Variants in CCSER1 observed in about 807,000 individuals in gnomAD.
The protein encoded by CCSER1 is coiled-coil serine rich protein 1.
Under a neutral mutation model 82.0 loss-of-function variants are expected in CCSER1, and 41 were observed. That is an observed-to-expected ratio of 0.50 (90% CI 0.39 to 0.65). CCSER1 has a LOEUF of 0.65. Ranked by LOEUF, CCSER1 falls within the 30% of genes least tolerant of loss-of-function variation. CCSER1 has a pLI of 0.00. For missense variants in CCSER1, 1,119 were observed against 1,064.2 expected (o/e 1.05, Z -0.72); for synonymous variants, 414 against 383.9 (o/e 1.08, Z -0.92).
At chr4:90,528,915 C>A (rs1497369) in intron 5 of CCSER1, among the ~76,000 whole-genome samples, 6,441 of 152,104 alleles carry the variant, frequency 0.042, 415 homozygotes, top group African/African-American at 0.14. Context: ...AATGGTTGAG[C>A]AAGGATTTTT....
At chr4:90,909,206 A>G (rs1314744014) in intron 8 of CCSER1, among the ~76,000 whole-genome samples, 1 of 152,194 alleles carries the variant, frequency 6.6e-6, no homozygotes, top group Non-Finnish European at 1.5e-5. Flanking sequence ...CTCTTCTTAT[A>G]AAGAACACTT....
intron 10 of CCSER1, among the ~76,000 whole-genome samples, chr4:91,359,957 T>G (rs541336031): frequency 6.6e-6 from 1 of 151,878 alleles, no homozygotes; most frequent in Admixed American, 6.6e-5. Flanking sequence ...CAAACAGATA[T>G]TAAGGTGAGG....
chr4:91,363,277 T>C (rs1749374228), intron 10 of CCSER1, among the ~76,000 whole-genome samples: 1 of 151,722 alleles, frequency 6.6e-6, no homozygotes, highest in African/African-American at 2.4e-5. Context: ...GTCTAGCAGA[T>C]TAATTCATAA....
At chr4:90,133,152 A>G (rs1460267582) in intron 1 of CCSER1, among the ~76,000 whole-genome samples, 2 of 152,224 alleles carry the variant, frequency 1.3e-5, no homozygotes, top group Non-Finnish European at 2.9e-5. Flanking sequence ...TCTGTTTTAT[A>G]AATAAATACT....
intron 4 of CCSER1, among the ~76,000 whole-genome samples, chr4:90,400,884 A>T (rs2153544913): frequency 6.6e-6 from 1 of 152,210 alleles, no homozygotes; most frequent in South Asian, 2.1e-4. Context: ...GTCATTTTCA[A>T]GTGGATATAG....
chr4:90,310,750 C>T (rs924461570), intron 2 of CCSER1, among the ~76,000 whole-genome samples: 1 of 152,048 alleles, frequency 6.6e-6, no homozygotes, highest in Non-Finnish European at 1.5e-5. Context: ...TGCTTTACTA[C>T]ATGTCATGAC....
At chr4:90,444,342 G>A (rs1760327720) in intron 4 of CCSER1, among the ~76,000 whole-genome samples, 1 of 151,964 alleles carries the variant, frequency 6.6e-6, no homozygotes, top group South Asian at 2.1e-4. Flanking sequence ...ATAAGTAAGG[G>A]GGAAGCTAGA....
chr4:90,209,871 A>C (rs1739628944), intron 1 of CCSER1, among the ~76,000 whole-genome samples: 1 of 150,210 alleles, frequency 6.7e-6, no homozygotes. Context: ...GTCCTGTTTA[A>C]TTTTTCTCCT....
intron 9 of CCSER1, among the ~76,000 whole-genome samples, chr4:91,063,047 C>T (rs1259895033): frequency 1.3e-5 from 2 of 152,006 alleles, no homozygotes; most frequent in African/African-American, 4.8e-5. Flanking sequence ...ATGAAAAATA[C>T]ACTATTTTAA....
At chr4:91,467,886 G>C (rs959819854) in intron 10 of CCSER1, among the ~76,000 whole-genome samples, 3 of 152,114 alleles carry the variant, frequency 2.0e-5, no homozygotes, top group Non-Finnish European at 2.9e-5. Context: ...AAATAGGAAT[G>C]CTTTTACACT....
intron 3 of CCSER1, among the ~76,000 whole-genome samples, chr4:90,398,881 A>G (rs1752407473): frequency 6.6e-6 from 1 of 152,130 alleles, no homozygotes; most frequent in African/African-American, 2.4e-5. Flanking sequence ...ATTGTTAAAG[A>G]GGTTTATTTA....
At chr4:91,490,927 T>TAAAA (rs3044011) in intron 10 of CCSER1, among the ~76,000 whole-genome samples, 1 of 82,934 alleles carries the variant, frequency 1.2e-5, no homozygotes, top group South Asian at 4.0e-4. Context: ...TATATATATA[T>TAAAA]AAAATATGCG....
intron 10 of CCSER1, among the ~76,000 whole-genome samples, chr4:91,408,569 C>A (rs1334942180): frequency 6.6e-6 from 1 of 152,130 alleles, no homozygotes; most frequent in Non-Finnish European, 1.5e-5. Flanking sequence ...AGTTTTACAT[C>A]TCTTCCTAAA....
intron 8 of CCSER1, among the ~76,000 whole-genome samples, chr4:90,857,669 T>G (rs1764611036): frequency 6.6e-6 from 1 of 152,212 alleles, no homozygotes; most frequent in East Asian, 1.9e-4. Flanking sequence ...AACCTCCAAC[T>G]GTCATACCAA....
At chr4:91,300,533 A>G (rs1744588010) in intron 10 of CCSER1, among the ~76,000 whole-genome samples, 1 of 152,020 alleles carries the variant, frequency 6.6e-6, no homozygotes, top group African/African-American at 2.4e-5. Context: ...AATATAGTCA[A>G]TTATTCAAAC....
chr4:90,809,596 A>G (rs6843367), intron 7 of CCSER1, among the ~76,000 whole-genome samples: 51,665 of 151,894 alleles, frequency 0.34, 9,001 homozygotes, highest in East Asian at 0.42. Context: ...ACACTATTTA[A>G]GTGATAAGTA....
chr4:91,589,165 T>A (rs924846087), intron 10 of CCSER1, among the ~76,000 whole-genome samples: 2 of 151,850 alleles, frequency 1.3e-5, no homozygotes, highest in African/African-American at 2.4e-5. Flanking sequence ...GTATTTTTAT[T>A]TCACTTCCTT....
intron 1 of CCSER1, among the ~76,000 whole-genome samples, chr4:90,196,144 TG>T (rs962101575): frequency 7.9e-5 from 12 of 151,268 alleles, no homozygotes; most frequent in Admixed American, 6.6e-4. Flanking sequence ...GTTCCAGTTC[TG>T]GTCAATGAAA....
intron 4 of CCSER1, among the ~76,000 whole-genome samples, chr4:90,456,879 C>A (rs1198457725): frequency 2.0e-5 from 3 of 152,188 alleles, no homozygotes; most frequent in Admixed American, 6.5e-5. Context: ...TGTTGCTTTG[C>A]CAGCTAGAAA....
Sources: gnomAD v4.1 joint callset for allele counts (sites outside exome capture counted in the v4.1 genomes callset) on GRCh38, gnomAD v4.1.1 for gene constraint, MANE v1.5 for transcripts, NCBI Gene and HGNC (gene_info 2026-07-23, HGNC 2026-07-21) for gene names.